MEI1: variants seen among roughly 807,000 people sequenced by gnomAD.
The protein encoded by MEI1 is meiotic double-stranded break formation protein 1, also known as meiosis inhibitor protein 1.
In MEI1, 103 loss-of-function variants were observed where a neutral mutation model predicts 146.2. That is an observed-to-expected ratio of 0.70 (90% confidence interval 0.60 to 0.83). The LOEUF is 0.83. Among genes scored for constraint, MEI1 ranks in the 40% least tolerant of loss-of-function variants. MEI1 has a pLI of 0.00. For synonymous variants in MEI1, 652 were observed against 628.2 expected, an observed-to-expected ratio of 1.04 and a Z score of -0.57; for missense variants, 1,529 against 1,533.0, an observed-to-expected ratio of 1.00 and a Z score of 0.04.
At chr22:41,720,810 T>C (rs2070711620) in intron 6 of MEI1, among the ~76,000 whole-genome samples, 1 of 150,594 alleles carries the variant, frequency 6.6e-6, no homozygotes, top group East Asian at 2.0e-4. Flanking sequence ...CTCGCTCTGC[T>C]GGCCAGGCTG....
intron 5 of MEI1, 94 bp from the exon 6 acceptor site, chr22:41,717,977 C>G: frequency 5.7e-6 from 6 of 1,061,538 alleles, no homozygotes; most frequent in Non-Finnish European, 6.8e-6. Context: ...TAGGGACTTA[C>G]CATTACTACC....
intron 4 of MEI1, among the ~76,000 whole-genome samples, chr22:41,715,351 C>T (rs1018737648): frequency 1.3e-5 from 2 of 151,474 alleles, no homozygotes; most frequent in Non-Finnish European, 2.9e-5. Context: ...GCCTGGTATA[C>T]AGAGAATGTT....
intron 3 of MEI1, among the ~76,000 whole-genome samples, chr22:41,712,640 A>C (rs2069686396): frequency 6.7e-6 from 1 of 150,266 alleles, no homozygotes; most frequent in African/African-American, 2.4e-5. Context: ...TAAAACATTT[A>C]AATATATTTA....
chr22:41,713,291 A>G (rs1219916853), intron 3 of MEI1, among the ~76,000 whole-genome samples: 2 of 151,936 alleles, frequency 1.3e-5, no homozygotes, highest in African/African-American at 4.8e-5. Flanking sequence ...GGCAGTACAG[A>G]CCCTGTCCCT....
chr22:41,755,388 T>A (rs576524485), intron 17 of MEI1, among the ~76,000 whole-genome samples: 1 of 152,302 alleles, frequency 6.6e-6, no homozygotes, highest in East Asian at 1.9e-4. Context: ...AAAGCCCAGG[T>A]GAGCATTTTT....
chr22:41,742,376 T>C (rs2072954104), intron 11 of MEI1, among the ~76,000 whole-genome samples: 1 of 152,342 alleles, frequency 6.6e-6, no homozygotes, highest in South Asian at 2.1e-4. Flanking sequence ...TGTCACTCTC[T>C]TGATGCACGT....
Position 41,730,581 on chromosome 22 carries a change from G to T in MEI1, c.1040G>T (p.Cys347Phe). The T allele has an allele frequency of 6.2e-7, 1 of 1,613,836 alleles. No homozygotes were observed. Among genetic ancestry groups the T allele is most frequent in the South Asian group, 1.1e-5 (1 of 91,076 alleles). Residue 347 changes from cysteine (C) to phenylalanine (F), a missense_variant, in exon 9 of 31, where the codon TGC (cysteine) becomes TTC (phenylalanine). Physicochemically the swap from Cys to Phe is radical, Grantham distance 205 (BLOSUM62 -2). Transcript: ENST00000401548. ...SEVLVWSSCNCLTLLVEEPLF... is the reference protein window; with the variant it reads ...SEVLVWSSCNFLTLLVEEPLF... Reference sequence around the variant, plus strand: ...GTGCTCGTCTGGTCCAGCTGTAACTGCTTGACACTCCTGGTAGAAGAGCCA... The same window carrying T: ...GTGCTCGTCTGGTCCAGCTGTAACTTCTTGACACTCCTGGTAGAAGAGCCA...
At chr22:41,732,630 T>C (rs1368879791) in intron 11 of MEI1, 27 bp downstream of exon 11, 2 of 1,607,722 alleles carry the variant, frequency 1.2e-6, no homozygotes, top group East Asian at 2.2e-5. Flanking sequence ...GGCTGAACTT[T>C]CCATCCCTGC....
At chr22:41,754,700 G>T (rs1396320180) in intron 17 of MEI1, among the ~76,000 whole-genome samples, 2 of 152,164 alleles carry the variant, frequency 1.3e-5, no homozygotes, top group Non-Finnish European at 2.9e-5. Flanking sequence ...AAAGTGCTGA[G>T]ATTACAGATG....
intron 15 of MEI1, among the ~76,000 whole-genome samples, chr22:41,752,044 T>G (rs1247503318): frequency 1.3e-5 from 2 of 150,868 alleles, no homozygotes; most frequent in Non-Finnish European, 2.9e-5. Flanking sequence ...CACTCCAGCC[T>G]GGCGACAGAG....
chr22:41,715,965 G>A, intron 4 of MEI1, 76 bp from the exon 5 acceptor site: 1 of 1,067,514 alleles, frequency 9.4e-7, no homozygotes, highest in Non-Finnish European at 1.4e-6. Flanking sequence ...ATTGGTGTGG[G>A]TAGGGAAAGA....
intron 18 of MEI1, among the ~76,000 whole-genome samples, chr22:41,762,186 C>G (rs755468690): frequency 3.9e-5 from 6 of 152,190 alleles, no homozygotes; most frequent in Non-Finnish European, 7.4e-5. Flanking sequence ...GCTACCATTA[C>G]AGGCGTGAGC....
At chr22:41,797,071 C>T (rs553370624) in intron 30 of MEI1, among the ~76,000 whole-genome samples, 83 of 152,182 alleles carry the variant, frequency 5.5e-4, no homozygotes, top group African/African-American at 1.8e-3. Context: ...GAACATAGCT[C>T]ACTGTAGCCT....
intron 15 of MEI1, among the ~76,000 whole-genome samples, chr22:41,751,557 A>G (rs752784241): frequency 3.2e-4 from 48 of 152,156 alleles, no homozygotes; most frequent in Non-Finnish European, 5.9e-4. Context: ...AGGTGGGCGG[A>G]TCACCTGAGG....
intron 26 of MEI1, among the ~76,000 whole-genome samples, chr22:41,790,072 AGTTT>A (rs990551052): frequency 2.0e-5 from 3 of 152,020 alleles, no homozygotes; most frequent in Non-Finnish European, 2.9e-5. Context: ...GTTTAAAACT[AGTTT>A]GTTTGTTTTT....
intron 5 of MEI1, among the ~76,000 whole-genome samples, chr22:41,716,919 G>T (rs1169582268): frequency 1.4e-5 from 2 of 146,600 alleles, no homozygotes; most frequent in Admixed American, 6.8e-5. Context: ...TCGATCTCCT[G>T]ACCTGCTGTT....
Position 41,784,590 on chromosome 22 carries a change from G to T in MEI1, c.3170-18G>T. On this transcript the variant is annotated intron_variant, in intron 25 of 30. Coordinates refer to ENST00000401548, the MANE Select transcript of MEI1 (RefSeq NM_152513.4). ...GGAAGGAGACAGGAATTGGGTGTAA[G>T]GAATCTCCTGCTTCCAGCTGCCATC... 1 of 1,609,648 alleles carries T rather than the reference G, an allele frequency of 6.2e-7. No homozygotes were observed. The highest frequency in any genetic ancestry group is 8.5e-7 in the Non-Finnish European group (1 of 1,179,112).
chr22:41,711,298 G>A (rs1476875413), intron 3 of MEI1, among the ~76,000 whole-genome samples: 2 of 152,028 alleles, frequency 1.3e-5, no homozygotes, highest in Admixed American at 6.6e-5. Context: ...TCAGCCTCCC[G>A]AGTAGCTGGG....
chr22:41,725,018 G>C (rs2071197011), intron 7 of MEI1, among the ~76,000 whole-genome samples: 1 of 151,882 alleles, frequency 6.6e-6, no homozygotes, highest in African/African-American at 2.4e-5. Flanking sequence ...TGCTTGGGCT[G>C]GTCTCAACTC....
Sources: gnomAD v4.1 joint callset for allele counts (sites outside exome capture counted in the v4.1 genomes callset) on GRCh38, gnomAD v4.1.1 for gene constraint, MANE v1.5 for transcripts, NCBI Gene and HGNC (gene_info 2026-07-23, HGNC 2026-07-21) for gene names.